TTLL5: variants seen among roughly 807,000 people sequenced by gnomAD.
The protein encoded by TTLL5 is tubulin tyrosine ligase like 5, also known as tubulin polyglutamylase TTLL5.
In TTLL5, 132 loss-of-function variants were observed where a neutral mutation model predicts 168.4. That is an observed-to-expected ratio of 0.78 (90% CI 0.68 to 0.91). The LOEUF is 0.91. Ranked by LOEUF, TTLL5 falls within the 40% of genes least tolerant of loss-of-function variation. The pLI, the probability that TTLL5 is intolerant of heterozygous loss-of-function variation, is 0.00. For synonymous variants in TTLL5, 546 were observed against 558.6 expected (o/e 0.98, Z 0.32); for missense variants, 1,545 against 1,581.5 (o/e 0.98, Z 0.39).
At chr14:75,737,522 T>TG in intron 15 of TTLL5, 1 of 1,515,594 alleles carries the variant, frequency 6.6e-7, no homozygotes. Flanking sequence ...TGTAGGCATA[T>TG]TAGGAGAAGA....
chr14:75,806,265 A>G (rs1372869493), intron 27 of TTLL5, among the ~76,000 whole-genome samples: 1 of 152,106 alleles, frequency 6.6e-6, no homozygotes, highest in African/African-American at 2.4e-5. Flanking sequence ...TCCTGACCTC[A>G]AGTGATCTGT....
intron 22 of TTLL5, 122 bp downstream of exon 22, chr14:75,775,752 C>G (rs1891684979): frequency 1.6e-6 from 2 of 1,214,818 alleles, no homozygotes; most frequent in Non-Finnish European, 2.3e-6. Context: ...CATCACCATC[C>G]CTTATGTATT....
At chr14:75,770,179 G>GAAAAA (rs56876692) in intron 20 of TTLL5, among the ~76,000 whole-genome samples, 33 of 84,982 alleles carry the variant, frequency 3.9e-4, no homozygotes, top group African/African-American at 7.0e-4. Context: ...ACTCTGTCTC[G>GAAAAA]AAAAAAAAAA....
In TTLL5 at chr14:75,681,488, A is replaced by G. The variant is rs530244229; in HGVS notation, c.182-57A>G. 14 of 1,384,064 alleles carry G rather than the reference A, an allele frequency of 1.0e-5. No homozygotes were observed. In the East Asian group the frequency reaches 3.2e-4, roughly 32 times the overall value. The allele number at this position is 1,384,064 out of a possible 1,614,324, so 85.7% of individuals were successfully genotyped here. On this transcript the variant is annotated intron_variant, in intron 3 of 31. Coordinates refer to ENST00000298832, the MANE Select transcript of TTLL5 (RefSeq NM_015072.5). Reference sequence around the variant, plus strand: ...TAATTAAGCCACCATGTTACAGTTTATTTTTGTTTTTACAGTTAACTTTCT... The same window carrying G: ...TAATTAAGCCACCATGTTACAGTTTGTTTTTGTTTTTACAGTTAACTTTCT...
chr14:75,909,615 C>A (rs978433041), intron 31 of TTLL5, among the ~76,000 whole-genome samples: 9 of 152,096 alleles, frequency 5.9e-5, no homozygotes. Context: ...CATACCGTAT[C>A]CAACATGTAC....
chr14:75,683,767 G>A, intron 5 of TTLL5, 111 bp downstream of exon 5: 1 of 705,702 alleles, frequency 1.4e-6, no homozygotes, highest in Non-Finnish European at 2.3e-6. Flanking sequence ...AAATGAAGAA[G>A]AAGAAGGACT....
intron 3 of TTLL5, among the ~76,000 whole-genome samples, chr14:75,671,954 G>A (rs1883786368): frequency 6.6e-6 from 1 of 152,164 alleles, no homozygotes; most frequent in Non-Finnish European, 1.5e-5. Context: ...TTTGATCATA[G>A]GAAGAAAGCT....
intron 27 of TTLL5, among the ~76,000 whole-genome samples, chr14:75,808,737 G>A (rs1418838036): frequency 6.6e-6 from 1 of 152,050 alleles, no homozygotes; most frequent in African/African-American, 2.4e-5. Flanking sequence ...CATGGCTGCA[G>A]GAATCAAAGC....
rs544065233 is a variant in TTLL5, at chr14:75,724,988, C to A, written c.1042+4285C>A. ...CAGTGGGTTTATCTCTGTGTATTAG[C>A]ATGGCTGAAGTCATGGGTTGTGACC... is the stretch of plus-strand genomic sequence containing the variant. On this transcript the variant is annotated intron_variant, in intron 12 of 31. Transcript: ENST00000298832. 4.6e-5 allele frequency among the ~76,000 whole-genome samples: 7 copies of A among 152,304 alleles called. No individual in the cohort carries two copies. The South Asian group carries it at 1.5e-3, about 32-fold the overall frequency.
chr14:75,704,060 CATA>C (rs1340317978), intron 7 of TTLL5, among the ~76,000 whole-genome samples: 1 of 152,168 alleles, frequency 6.6e-6, no homozygotes, highest in Admixed American at 6.5e-5. Flanking sequence ...CCTTTCTAAA[CATA>C]ATCTCACTTA....
At chr14:75,776,536 A>G (rs537171847) in intron 22 of TTLL5, among the ~76,000 whole-genome samples, 3 of 152,242 alleles carry the variant, frequency 2.0e-5, no homozygotes, top group Admixed American at 1.3e-4. Context: ...TCATTCTGCA[A>G]CTTTTACTTG....
intron 30 of TTLL5, among the ~76,000 whole-genome samples, chr14:75,893,417 ATTC>A (rs2032499295): frequency 1.3e-5 from 2 of 152,258 alleles, no homozygotes; most frequent in African/African-American, 4.8e-5. Context: ...GAGTACCAGC[ATTC>A]TTCTCCTCAG....
intron 15 of TTLL5, among the ~76,000 whole-genome samples, chr14:75,743,549 G>GT (rs1433171591): frequency 6.8e-6 from 1 of 146,300 alleles, no homozygotes; most frequent in Non-Finnish European, 1.5e-5. Context: ...GGGAGAGAGA[G>GT]TGAGATCAAA....
intron 28 of TTLL5, among the ~76,000 whole-genome samples, chr14:75,842,440 T>C (rs1176156530): frequency 1.3e-5 from 2 of 152,180 alleles, no homozygotes; most frequent in African/African-American, 4.8e-5. Flanking sequence ...GTGGGCTCTT[T>C]ATTTTCTTAA....
chr14:75,665,199 CAT>C (rs1183274490), intron 2 of TTLL5, among the ~76,000 whole-genome samples: 2 of 152,158 alleles, frequency 1.3e-5, no homozygotes, highest in Non-Finnish European at 2.9e-5. Context: ...ACATTTGTAA[CAT>C]AGTAATATGT....
At chr14:75,677,046 A>G (rs1175312084) in intron 3 of TTLL5, among the ~76,000 whole-genome samples, 1 of 152,178 alleles carries the variant, frequency 6.6e-6, no homozygotes, top group Non-Finnish European at 1.5e-5. Flanking sequence ...TGCTGGGATT[A>G]CAGGCATGAG....
At chr14:75,734,564 A>G (rs1888767613) in intron 14 of TTLL5, among the ~76,000 whole-genome samples, 1 of 152,218 alleles carries the variant, frequency 6.6e-6, no homozygotes, top group African/African-American at 2.4e-5. Flanking sequence ...ATAAAAAGAC[A>G]TAATAAAATA....
intron 15 of TTLL5, chr14:75,737,639 A>C: frequency 1.3e-6 from 2 of 1,526,470 alleles, no homozygotes; most frequent in Non-Finnish European, 1.7e-6. Flanking sequence ...GACTTCTTCA[A>C]ATTTTATTTT....
chr14:75,861,140 G>A (rs1008973316), intron 28 of TTLL5, among the ~76,000 whole-genome samples: 1 of 150,676 alleles, frequency 6.6e-6, no homozygotes, highest in Admixed American at 6.7e-5. Context: ...TTTTTGGTGT[G>A]TTCTCCAAGA....
Sources: gnomAD v4.1 joint callset for allele counts (sites outside exome capture counted in the v4.1 genomes callset) on GRCh38, gnomAD v4.1.1 for gene constraint, MANE v1.5 for transcripts, NCBI Gene and HGNC (gene_info 2026-07-23, HGNC 2026-07-21) for gene names.